Variants in ANXA8 observed in about 807,000 individuals in gnomAD.
ANXA8 encodes VAC-beta.
ANXA8 carries 9 observed loss-of-function variants against 26.8 expected under a neutral mutation model. The ratio of observed to expected loss-of-function variants is 0.34; its 90% CI spans 0.20 to 0.59. The LOEUF is 0.59. Ranked by LOEUF, ANXA8 falls within the 20% of genes least tolerant of loss-of-function variation. The probability of loss-of-function intolerance (pLI) is 0.84; values close to 1 mark genes in which losing one functional copy is unlikely to be tolerated. For missense variants in ANXA8, 83 were observed against 238.5 expected (o/e 0.35, Z 4.29); for synonymous variants, 39 against 94.8 (o/e 0.41, Z 3.42).
chr10:47,560,657 G>A, the ANXA8 span, among the ~76,000 whole-genome samples: 1 of 152,044 alleles, frequency 6.6e-6, no homozygotes, highest in African/African-American at 2.4e-5. Context: ...CATCCTAGGA[G>A]GGTGGCGTTA....
At chr10:47,667,223 C>T in the ANXA8 span, among the ~76,000 whole-genome samples, 48 of 152,104 alleles carry the variant, frequency 3.2e-4, no homozygotes, top group African/African-American at 1.2e-3. Context: ...CTTATGTTTT[C>T]TGAAAACACT....
At chr10:47,503,006 T>A in the ANXA8 span, 13 of 1,598,528 alleles carry the variant, frequency 8.1e-6, no homozygotes, top group African/African-American at 1.8e-4. Context: ...CTGAAGCATA[T>A]GGAGTCACCC....
chr10:47,502,426 C>A, the ANXA8 span: 1 of 1,605,960 alleles, frequency 6.2e-7, no homozygotes, highest in Non-Finnish European at 8.5e-7. Context: ...ATATTTGGAA[C>A]GGATCCACCA....
the ANXA8 span, among the ~76,000 whole-genome samples, chr10:47,693,318 C>A: frequency 6.8e-6 from 1 of 147,488 alleles, no homozygotes; most frequent in African/African-American, 2.6e-5. Context: ...GAGACGGAGT[C>A]TGGCTCTGGC....
the ANXA8 span, among the ~76,000 whole-genome samples, chr10:47,611,691 A>G: frequency 2.7e-5 from 2 of 75,330 alleles, no homozygotes; most frequent in African/African-American, 7.5e-5. Context: ...ACAGCTAGAT[A>G]ACAGCCAGTT....
chr10:47,709,882 T>C, the ANXA8 span, among the ~76,000 whole-genome samples: 3 of 75,296 alleles, frequency 4.0e-5, no homozygotes, highest in African/African-American at 1.3e-4. Flanking sequence ...GGGGAACCAA[T>C]TGGCTGTTAC....
the ANXA8 span, among the ~76,000 whole-genome samples, chr10:47,964,911 GT>G: frequency 1.4e-5 from 1 of 69,200 alleles, no homozygotes; most frequent in South Asian, 9.0e-4. Context: ...GGTCAAGGGA[GT>G]TCAAGGTCAG....
the ANXA8 span, among the ~76,000 whole-genome samples, chr10:47,743,371 C>CATATATATACACATATATATATATACAT: frequency 2.1e-5 from 1 of 48,552 alleles, no homozygotes; most frequent in African/African-American, 6.6e-5. Context: ...TATATATATA[C>CATATATATACACATATATATATATACAT]ATATATATGT....
At chr10:47,684,347 G>A in the ANXA8 span, among the ~76,000 whole-genome samples, 1 of 150,134 alleles carries the variant, frequency 6.7e-6, no homozygotes, top group Non-Finnish European at 1.5e-5. Flanking sequence ...AGTAGCAGTA[G>A]CCTTTGATAT....
the ANXA8 span, among the ~76,000 whole-genome samples, chr10:47,659,475 T>C: frequency 6.6e-6 from 1 of 151,080 alleles, no homozygotes; most frequent in East Asian, 1.9e-4. Flanking sequence ...AGGTCAGGAG[T>C]TCGAGACCAG....
At chr10:47,677,444 G>A in the ANXA8 span, among the ~76,000 whole-genome samples, 1 of 150,750 alleles carries the variant, frequency 6.6e-6, no homozygotes, top group Non-Finnish European at 1.5e-5. Flanking sequence ...TTGGACAACA[G>A]GCAGCACAGG....
the ANXA8 span, among the ~76,000 whole-genome samples, chr10:47,572,577 C>T: frequency 3.3e-5 from 5 of 150,912 alleles, no homozygotes; most frequent in East Asian, 9.8e-4. Flanking sequence ...AGTAGCCAGG[C>T]GTGGTGGCGG....
At chr10:47,497,321 A>C in the ANXA8 span, among the ~76,000 whole-genome samples, 31 of 18,910 alleles carry the variant, frequency 1.6e-3, 1 homozygote, top group African/African-American at 8.6e-3. Context: ...GTCCATCACA[A>C]AAAAAAAAAA....
chr10:47,485,976 C>G (rs1420874568), upstream of ANXA8, among the ~76,000 whole-genome samples: 1 of 151,720 alleles, frequency 6.6e-6, no homozygotes, highest in African/African-American at 2.4e-5. Context: ...GGAGTGGTGG[C>G]GGGCACCTGT....
At chr10:47,653,698 T>A in the ANXA8 span, among the ~76,000 whole-genome samples, 1 of 149,068 alleles carries the variant, frequency 6.7e-6, no homozygotes, top group African/African-American at 2.6e-5. Flanking sequence ...CAGGCTGGAG[T>A]GCAGTGGTGC....
the ANXA8 span, among the ~76,000 whole-genome samples, chr10:47,549,864 G>A: frequency 7.0e-6 from 1 of 143,140 alleles, no homozygotes; most frequent in Admixed American, 7.0e-5. Context: ...GGCACCTTGG[G>A]AGACCAGGGC....
the ANXA8 span, chr10:47,589,453 C>T: frequency 6.2e-5 from 9 of 146,158 alleles, no homozygotes; most frequent in Non-Finnish European, 1.2e-4. Flanking sequence ...TGAGTCCTGC[C>T]GTGGGGACTT....
At chr10:47,694,714 C>T in the ANXA8 span, among the ~76,000 whole-genome samples, 3,610 of 151,812 alleles carry the variant, frequency 0.024, 102 homozygotes, top group African/African-American at 0.081. Flanking sequence ...CCACCGCGCC[C>T]GGCCCATACT....
chr10:47,485,686 T>A (rs1386182247), upstream of ANXA8, among the ~76,000 whole-genome samples: 1 of 151,990 alleles, frequency 6.6e-6, no homozygotes, highest in African/African-American at 2.4e-5. Context: ...TAAAAAATGT[T>A]AAGTTAAATG....
Sources: allele counts gnomAD v4.1 joint callset (sites outside exome capture counted in the v4.1 genomes callset), GRCh38; gene constraint gnomAD v4.1.1; transcripts MANE v1.5; gene names NCBI Gene and HGNC (gene_info 2026-07-23, HGNC 2026-07-21).